INSR: variants seen among roughly 807,000 people sequenced by gnomAD.
INSR encodes IR.
INSR carries 67 observed loss-of-function variants against 142.6 expected under a neutral mutation model. The observed-to-expected ratio is 0.47, with a 90% CI of 0.39 to 0.58. The LOEUF (loss-of-function observed/expected upper bound fraction) is 0.58. INSR is among the 20% of genes least tolerant of loss of function. The pLI, the probability that INSR is intolerant of heterozygous loss-of-function variation, is 0.00. For missense variants in INSR, 1,248 were observed against 1,833.2 expected (o/e 0.68, Z 5.83); for synonymous variants, 756 against 743.1 (o/e 1.02, Z -0.28).
intron 2 of INSR, among the ~76,000 whole-genome samples, chr19:7,220,364 C>T (rs1975575541): frequency 6.6e-6 from 1 of 152,202 alleles, no homozygotes; most frequent in Admixed American, 6.5e-5. Context: ...GATCTTGGCT[C>T]ACTGCAACCT....
chr19:7,263,367 T>A (rs1309346610), intron 2 of INSR, among the ~76,000 whole-genome samples: 3 of 152,100 alleles, frequency 2.0e-5, no homozygotes, highest in Non-Finnish European at 2.9e-5. Flanking sequence ...AAGCTGAAGC[T>A]GAGTTGCTCT....
At chr19:7,175,639 A>G (rs1051489367) in intron 3 of INSR, among the ~76,000 whole-genome samples, 10 of 152,252 alleles carry the variant, frequency 6.6e-5, no homozygotes, top group African/African-American at 2.4e-4. Flanking sequence ...GTTCAAGACC[A>G]GCCTGGCCAA....
At position 7,168,336 on chromosome 19, in the gene INSR, A is replaced by C. The variant is rs1382166420; in HGVS notation, c.1484-242T>G. Among the ~76,000 whole-genome samples, 1 of 152,202 alleles carries C rather than the reference A, an allele frequency of 6.6e-6. No homozygotes were observed. Among genetic ancestry groups the C allele is most frequent in the East Asian group, 1.9e-4 (1 of 5,204 alleles). On this transcript the variant is annotated intron_variant, in intron 6 of 21. Coordinates refer to ENST00000302850, the MANE Select transcript of INSR (RefSeq NM_000208.4). The surrounding 1 kb of genome is among the most constrained non-coding windows in gnomAD (Gnocchi z 4.3). ...AGCCAATGACTTGACTCAGCCAGAC[A>C]GTCAACTGAATAAGCGCAGTCTGTA... is the stretch of plus-strand genomic sequence containing the variant.
At chr19:7,268,671 G>A (rs1967815266) in intron 1 of INSR, 5 of 903,920 alleles carry the variant, frequency 5.5e-6, no homozygotes, top group Non-Finnish European at 6.6e-6. Context: ...ACAACTCAGG[G>A]CAAGCACTCA....
intron 17 of INSR, among the ~76,000 whole-genome samples, chr19:7,124,395 C>T (rs1303756856): frequency 3.8e-5 from 5 of 131,230 alleles, no homozygotes; most frequent in Admixed American, 7.5e-5. Flanking sequence ...AACAATCAGC[C>T]AGGCGTGGTA....
intron 2 of INSR, among the ~76,000 whole-genome samples, chr19:7,205,177 C>T (rs899294351): frequency 2.4e-4 from 36 of 152,144 alleles, no homozygotes; most frequent in Admixed American, 5.2e-4. Context: ...ACGGAGTGTC[C>T]GGCACCATCT....
rs1437641370 is a variant in INSR at position 7,237,325 on chromosome 19, T to C, written c.652+30020A>G. On this transcript the variant is annotated intron_variant, in intron 2 of 21. Transcript: ENST00000302850. ...CGAGGTCAGGAGTTCCAGACCAGCC[T>C]GGCCAATATGGTGAAACCCCGTCTC... 2.0e-5 allele frequency among the ~76,000 whole-genome samples: 3 copies of C among 151,606 alleles called. No homozygotes were observed. The East Asian group carries it at 5.8e-4, about 30-fold the overall frequency.
intron 14 of INSR, among the ~76,000 whole-genome samples, chr19:7,131,635 C>G (rs1174830177): frequency 6.7e-6 from 1 of 149,210 alleles, no homozygotes; most frequent in Non-Finnish European, 1.5e-5. Context: ...TGTGAGCCAC[C>G]GTGCCCAGCC....
At chr19:7,243,120 T>G (rs547508704) in intron 2 of INSR, among the ~76,000 whole-genome samples, 68 of 152,090 alleles carry the variant, frequency 4.5e-4, no homozygotes, top group African/African-American at 1.6e-3. Context: ...AATGAAAACT[T>G]TTGCTGTAGT....
At chr19:7,213,450 C>A (rs1281369870) in intron 2 of INSR, among the ~76,000 whole-genome samples, 2 of 151,974 alleles carry the variant, frequency 1.3e-5, no homozygotes, top group East Asian at 3.9e-4. Context: ...CCCTTTGCTT[C>A]TCTCCCCCAA....
intron 2 of INSR, among the ~76,000 whole-genome samples, chr19:7,209,157 C>T (rs1303584777): frequency 6.6e-6 from 1 of 151,948 alleles, no homozygotes; most frequent in Non-Finnish European, 1.5e-5. Context: ...AAGATTCCAT[C>T]TCTAAATAAA....
chr19:7,220,112 A>G (rs1975567016), intron 2 of INSR, among the ~76,000 whole-genome samples: 1 of 152,182 alleles, frequency 6.6e-6, no homozygotes, highest in Non-Finnish European at 1.5e-5. Context: ...CTCTGGGAAT[A>G]GAGTCCACAC....
chr19:7,120,659 G>C lies in INSR; in HGVS notation c.3620C>G (p.Ser1207Cys). 5 of 1,614,134 alleles carry C rather than the reference G, an allele frequency of 3.1e-6. No homozygotes were observed. Among genetic ancestry groups the C allele is most frequent in the Non-Finnish European group, 3.4e-6 (4 of 1,180,004 alleles). Residue 1207 changes from serine (S) to cysteine (C), a missense_variant, in exon 20 of 22, where the codon TCC (serine) becomes TGC (cysteine). Ser to Cys is a moderately radical substitution (Grantham distance 112). Around this residue, in one of 3 missense-constraint regions of INSR, gnomAD observed 1,069 missense variants for 1,654.0 expected, o/e 0.65. Transcript: ENST00000302850. ...AGTGGTGAAGACCCCATCCTTCAGGGACTCCGGTGCCATCCACCGTACAGG... is the reference window on the plus strand; with the variant it reads ...AGTGGTGAAGACCCCATCCTTCAGGCACTCCGGTGCCATCCACCGTACAGG... ...LLPVRWMAPE[S>C]LKDGVFTTSS...
intron 9 of INSR, among the ~76,000 whole-genome samples, chr19:7,156,249 CAG>C (rs1215682414): frequency 6.6e-6 from 1 of 151,428 alleles, no homozygotes; most frequent in East Asian, 2.0e-4. Context: ...TTAGCAGAGA[CAG>C]AGTTTCATCA....
chr19:7,256,931 C>CTTTTTTTTTTTT lies in INSR; in HGVS notation c.652+10402_652+10413dup, dbSNP rs772500676. ...ATTCACGTTACATGCTCTACCCTAC[C>CTTTTTTTTTTTT]TTTTTTTTTTTTTTTTTTTTTCTTT... is the stretch of plus-strand genomic sequence containing the variant. On this transcript the variant is annotated intron_variant, in intron 2 of 21. Coordinates refer to ENST00000302850, the MANE Select transcript of INSR (RefSeq NM_000208.4). 1.3e-4 allele frequency among the ~76,000 whole-genome samples: 14 copies of CTTTTTTTTTTTT among 109,466 alleles called. 1 individual carries two copies. The highest frequency in any genetic ancestry group is 2.1e-4 in the Non-Finnish European group (12 of 56,524). The allele number at this position is 109,466 out of a possible 152,430, so 71.8% of individuals were successfully genotyped here.
chr19:7,250,300 A>T (rs904568491), intron 2 of INSR, among the ~76,000 whole-genome samples: 1 of 97,712 alleles, frequency 1.0e-5, no homozygotes, highest in Non-Finnish European at 2.0e-5. Context: ...GAAGAAGGGG[A>T]GGGGAGGGGA....
At chr19:7,184,252 G>A (rs1381623114) in intron 3 of INSR, 64 bp downstream of exon 3, 27 of 1,457,118 alleles carry the variant, frequency 1.9e-5, no homozygotes, top group Middle Eastern at 2.3e-4. Context: ...AAGCGGCATC[G>A]TCACAACCAA....
intron 1 of INSR, among the ~76,000 whole-genome samples, chr19:7,278,940 C>A (rs942108566): frequency 6.6e-6 from 1 of 152,006 alleles, no homozygotes; most frequent in Non-Finnish European, 1.5e-5. Context: ...ACCAGCCTGG[C>A]CAACATGGGG....
intron 15 of INSR, among the ~76,000 whole-genome samples, chr19:7,127,807 G>C (rs985973186): frequency 6.6e-6 from 1 of 152,042 alleles, no homozygotes; most frequent in Non-Finnish European, 1.5e-5. Context: ...GCAATGGTGC[G>C]ATCTCGGCTC....
Sources: allele counts gnomAD v4.1 joint callset (sites outside exome capture counted in the v4.1 genomes callset), GRCh38; gene constraint gnomAD v4.1.1; regional missense constraint gnomAD v4.1.1; non-coding constraint Gnocchi (gnomAD v3.1); transcripts MANE v1.5; gene names NCBI Gene and HGNC (gene_info 2026-07-23, HGNC 2026-07-21).